Variants in CKAP2 observed in about 807,000 individuals in gnomAD.
The protein encoded by CKAP2 is cytoskeleton associated protein 2.
A neutral mutation model predicts 58.4 loss-of-function variants in CKAP2; 46 were observed. The observed-to-expected ratio is 0.79, with a 90% CI of 0.62 to 1.01. The LOEUF (loss-of-function observed/expected upper bound fraction) is 1.01. CKAP2 is among the 50% of genes least tolerant of loss of function. CKAP2 has a pLI of 0.00. For missense variants in CKAP2, 809 were observed against 796.4 expected, an observed-to-expected ratio of 1.02 and a Z score of -0.19; for synonymous variants, 293 against 280.9, an observed-to-expected ratio of 1.04 and a Z score of -0.43.
rs539281982 is a variant in CKAP2, at chr13:52,476,045, T to C, written c.*904T>C. On this transcript the variant is annotated 3_prime_UTR_variant, in exon 9 of 9. Coordinates refer to ENST00000258607, the MANE Select transcript of CKAP2 (RefSeq NM_018204.5). ...CATAAAAAACTTCACTGTTAAGTCA[T>C]GTCCCTTGAAACATGATAGTTACAT... is the stretch of plus-strand genomic sequence containing the variant. The C allele has an allele frequency of 7.9e-5, 12 of 152,348 alleles. No individual in the cohort carries two copies. Among genetic ancestry groups the C allele is most frequent in the African/African-American group, 2.9e-4 (12 of 41,578 alleles). 9.4% of individuals were successfully genotyped at this position (152,348 alleles called of 1,614,324 possible).
At chr13:52,455,680 G>T in intron 1 of CKAP2, 54 bp downstream of exon 1, 1 of 1,427,734 alleles carries the variant, frequency 7.0e-7, no homozygotes, top group Non-Finnish European at 9.2e-7. Context: ...TGGCGGGCGC[G>T]GGCCCGGCGG....
At position 52,461,339 on chromosome 13, in the gene CKAP2, G is replaced by C; in HGVS notation, c.513G>C (p.Lys171Asn). The C allele has an allele frequency of 6.2e-7, 1 of 1,614,166 alleles. No homozygotes were observed. Among genetic ancestry groups the C allele is most frequent in the Admixed American group, 1.7e-5 (1 of 60,024 alleles). The change falls in exon 4 of 9, where the codon AAG (lysine) becomes AAC (asparagine). Residue 171 changes from lysine to asparagine, a missense_variant. By Grantham distance (94) the Lys-to-Asn change is moderately conservative. This residue lies in a region of CKAP2 where 523 missense variants were observed against 492.4 expected (regional missense o/e 1.06). Coordinates refer to ENST00000258607, the MANE Select transcript of CKAP2 (RefSeq NM_018204.5). ...AAAAGCAAGATGCTAACATGCCCAA[G>C]AAACCTGTGCTTGGATCTTATCGTG... ...EKQKQDANMP[K>N]KPVLGSYRGQ...
Position 52,461,074 on chromosome 13 carries a change from T to C in CKAP2, c.248T>C (p.Met83Thr), listed in dbSNP as rs539183420. The change falls in exon 4 of 9, where the codon ATG (methionine) becomes ACG (threonine). Residue 83 changes from methionine (M) to threonine (T), a missense_variant. Physicochemically the swap from Met to Thr is moderately conservative, Grantham distance 81. Around this residue, in one of 3 missense-constraint regions of CKAP2, gnomAD observed 523 missense variants for 492.4 expected, o/e 1.06. Coordinates refer to ENST00000258607, the MANE Select transcript of CKAP2 (RefSeq NM_018204.5). Reference protein sequence around the residue: ...LKTKMADKENMKRPAESKNNT... With the variant: ...LKTKMADKENTKRPAESKNNT... ...TTCTTTCAGGCTGATAAAGAAAACA[T>C]GAAGAGACCTGCAGAGAGCAAAAAT... The C allele has an allele frequency of 2.5e-6, 4 of 1,598,098 alleles. No homozygotes were observed. In the African/African-American group the frequency reaches 4.1e-5, roughly 16 times the overall value.
chr13:52,460,875 T>G (rs1014596543), intron 2 of CKAP2, 24 bp from the exon 3 acceptor site: 23 of 1,603,904 alleles, frequency 1.4e-5, no homozygotes, highest in Non-Finnish European at 1.9e-5. Flanking sequence ...TGATTGATCA[T>G]TTTGTTTGTT....
chr13:52,459,849 A>G (rs1006825621), intron 2 of CKAP2, among the ~76,000 whole-genome samples: 2 of 152,092 alleles, frequency 1.3e-5, no homozygotes, highest in African/African-American at 2.4e-5. Flanking sequence ...TTTTCTTTGC[A>G]ATACCGCCTA....
chr13:52,455,949 G>A, intron 1 of CKAP2: 3 of 1,140,088 alleles, frequency 2.6e-6, no homozygotes, highest in South Asian at 7.1e-5. Flanking sequence ...TGGGGGCGGG[G>A]CTGCACAGGT....
In CKAP2 at chr13:52,465,437, A is replaced by G. The variant is rs1459698121; in HGVS notation, c.1448A>G (p.Tyr483Cys). Reference protein sequence around the residue: ...TSPIENIIAIYEKAILAGAQP... With the variant: ...TSPIENIIAICEKAILAGAQP... ...CCTATTGAAAATATTATTGCAATCT[A>G]TGAGAAAGCCATTCTGGCAGGGGCT... The change falls in exon 6 of 9, where the codon TAT (tyrosine) becomes TGT (cysteine). Residue 483 changes from tyrosine (Y) to cysteine (C), a missense_variant. This residue lies in a region of CKAP2 where 283 missense variants were observed against 287.6 expected (regional missense o/e 0.98). Coordinates refer to ENST00000258607, the MANE Select transcript of CKAP2 (RefSeq NM_018204.5). 1 of 1,613,448 alleles carries G rather than the reference A, an allele frequency of 6.2e-7. No homozygotes were observed. The highest frequency in any genetic ancestry group is 1.7e-5 in the Admixed American group (1 of 59,980).
intron 2 of CKAP2, among the ~76,000 whole-genome samples, chr13:52,458,075 A>T (rs1958516144): frequency 6.6e-6 from 1 of 152,226 alleles, no homozygotes; most frequent in East Asian, 1.9e-4. Flanking sequence ...TATATTAATA[A>T]GTTGCTTTAG....
chr13:52,460,994 C>T lies in CKAP2; in HGVS notation c.231+20C>T. ...AAAATGGTAAGATGTGGACATAGCACTCTTAAACTGTCCCCTTTTCCATTT... is the reference window on the plus strand; with the variant it reads ...AAAATGGTAAGATGTGGACATAGCATTCTTAAACTGTCCCCTTTTCCATTT... On this transcript the variant is annotated intron_variant, in intron 3 of 8. Coordinates refer to ENST00000258607, the MANE Select transcript of CKAP2 (RefSeq NM_018204.5). The T allele has an allele frequency of 6.2e-7, 1 of 1,609,468 alleles. No individual in the cohort carries two copies. Among genetic ancestry groups the T allele is most frequent in the Non-Finnish European group, 8.5e-7 (1 of 1,178,762 alleles).
rs75017016 is a variant in CKAP2, at chr13:52,467,964, C to G, written c.1477-314C>G. Among the ~76,000 whole-genome samples the G allele has an allele frequency of 1.3e-5, 2 of 152,046 alleles. 1 individual carries two copies. The highest frequency in any genetic ancestry group is 2.9e-5 in the Non-Finnish European group (2 of 68,008). On this transcript the variant is annotated intron_variant, in intron 6 of 8. Coordinates refer to ENST00000258607, the MANE Select transcript of CKAP2 (RefSeq NM_018204.5). ...AACTGGGACTACAGGCGCCTGCCAC[C>G]ACGCCCGGCTCATTTTTTTGTGTTT...
chr13:52,475,022 C>T lies in CKAP2; in HGVS notation c.1930C>T (p.His644Tyr), dbSNP rs767364665. 1 of 1,614,174 alleles carries T rather than the reference C, an allele frequency of 6.2e-7. No homozygotes were observed. The highest frequency in any genetic ancestry group is 2.2e-5 in the East Asian group (1 of 44,886). The stretch of plus-strand genomic sequence containing the variant: ...TAAATTGCCAGATATGTTAAAAGAT[C>T]ATTATCCTTGTGTGTCTTCATTGGA... ...TSKLPDMLKDHYPCVSSLEQL... is the reference protein window; with the variant it reads ...TSKLPDMLKDYYPCVSSLEQL... The change falls in exon 9 of 9, where the codon CAT (histidine) becomes TAT (tyrosine). Residue 644 changes from histidine to tyrosine, a missense_variant. Around this residue, in one of 3 missense-constraint regions of CKAP2, gnomAD observed 283 missense variants for 287.6 expected, o/e 0.98. Transcript: ENST00000258607.
Position 52,462,447 on chromosome 13 carries a change from A to C in CKAP2, c.1185A>C (p.Ala395=). Residue 395 remains alanine (A), a synonymous_variant, in exon 5 of 9, where the codon GCA becomes GCC. Transcript: ENST00000258607. ...CAGTAGTTACTCAGCATGAGCCTGCAGGACAAAATGAAAAACCAGTTGGGT... is the reference window on the plus strand; with the variant it reads ...CAGTAGTTACTCAGCATGAGCCTGCCGGACAAAATGAAAAACCAGTTGGGT... ...PNSVVTQHEP[A]GQNEKPVGSF... The C allele has an allele frequency of 1.2e-6, 2 of 1,614,168 alleles. No homozygotes were observed. The highest frequency in any genetic ancestry group is 2.2e-5 in the South Asian group (2 of 91,084).
At chr13:52,463,553 T>C (rs1209611724) in intron 5 of CKAP2, among the ~76,000 whole-genome samples, 2 of 152,222 alleles carry the variant, frequency 1.3e-5, no homozygotes, top group African/African-American at 4.8e-5. Flanking sequence ...TCAGAACGCC[T>C]GTATCAGCTG....
At chr13:52,456,406 G>C (rs1452933301) in intron 1 of CKAP2, 117 bp from the exon 2 acceptor site, 2 of 829,898 alleles carry the variant, frequency 2.4e-6, no homozygotes, top group African/African-American at 1.7e-5. Context: ...TTATATAGAT[G>C]TGACCTCAGG....
At chr13:52,470,168 C>A (rs1418146109) in intron 7 of CKAP2, among the ~76,000 whole-genome samples, 1 of 150,830 alleles carries the variant, frequency 6.6e-6, no homozygotes, top group East Asian at 2.0e-4. Context: ...TTCAGTGGCG[C>A]AATCTCGGCT....
chr13:52,470,809 G>C (rs1374642918), intron 7 of CKAP2, among the ~76,000 whole-genome samples: 1 of 151,962 alleles, frequency 6.6e-6, no homozygotes, highest in Non-Finnish European at 1.5e-5. Context: ...GGGAGAGAAG[G>C]GAAAACCGAG....
rs777223839 is a variant in CKAP2, at chr13:52,465,304, A to G, written c.1315A>G (p.Lys439Glu). The G allele has an allele frequency of 1.9e-6, 3 of 1,600,728 alleles. No homozygotes were observed. In the South Asian group the frequency reaches 3.4e-5, roughly 18 times the overall value. Residue 439 changes from lysine to glutamate, a missense_variant, in exon 6 of 9, where the codon AAA becomes GAA. By Grantham distance (56) the Lys-to-Glu change is moderately conservative. Coordinates refer to ENST00000258607, the MANE Select transcript of CKAP2 (RefSeq NM_018204.5). ...TTTCTTGCTTTTTTAGGGATGTCCA[A>G]AAGAAGATATACTGGTCACACTGAA... ...CLNLINEGCP[K>E]EDILVTLNDL...
At chr13:52,455,973 G>T in intron 1 of CKAP2, 1 of 1,099,680 alleles carries the variant, frequency 9.1e-7, no homozygotes, top group Non-Finnish European at 1.1e-6. Flanking sequence ...GGGACCGACT[G>T]CGCCTGCGCT....
chr13:52,471,362 TCTTTA>T (rs1470611065), intron 7 of CKAP2, among the ~76,000 whole-genome samples: 1 of 152,178 alleles, frequency 6.6e-6, no homozygotes, highest in East Asian at 1.9e-4. Flanking sequence ...GTATCATTAG[TCTTTA>T]GATGGGGGAA....
Sources: gnomAD v4.1 joint callset for allele counts (sites outside exome capture counted in the v4.1 genomes callset) on GRCh38, gnomAD v4.1.1 for gene constraint, gnomAD v4.1.1 regional missense constraint, MANE v1.5 for transcripts, NCBI Gene and HGNC (gene_info 2026-07-23, HGNC 2026-07-21) for gene names.